The following AFF3 variants were observed in gnomAD, a reference collection of about 807,000 sequenced individuals.
AFF3 encodes the protein AF4/FMR2 family member 3.
Under a neutral mutation model 129.7 loss-of-function variants are expected in AFF3, and 32 were observed. The ratio of observed to expected loss-of-function variants is 0.25; its 90% confidence interval spans 0.19 to 0.33. AFF3 has a LOEUF of 0.33. AFF3 is among the 10% of genes least tolerant of loss of function. The pLI is 1.00. For synonymous variants in AFF3, 644 were observed against 635.4 expected (o/e 1.01, Z -0.20); for missense variants, 1,373 against 1,592.0 (o/e 0.86, Z 2.34).
At chr2:99,832,514 C>T (rs1187044157) in intron 8 of AFF3, among the ~76,000 whole-genome samples, 1 of 152,258 alleles carries the variant, frequency 6.6e-6, no homozygotes, top group Non-Finnish European at 1.5e-5. Flanking sequence ...CCACAGCTTG[C>T]AGGCACCAGG....
chr2:99,989,734 T>C (rs999921805), intron 7 of AFF3, among the ~76,000 whole-genome samples: 2 of 152,186 alleles, frequency 1.3e-5, no homozygotes, highest in Non-Finnish European at 2.9e-5. Context: ...TCATCAAAAT[T>C]GTATTTTTAA....
intron 12 of AFF3, among the ~76,000 whole-genome samples, chr2:99,650,430 GCGC>G (rs1426227107): frequency 6.6e-6 from 1 of 152,062 alleles, no homozygotes; most frequent in Non-Finnish European, 1.5e-5. Context: ...GTGGTGGCAT[GCGC>G]CTGTAGTCCC....
chr2:99,692,238 T>C (rs10183116), intron 11 of AFF3, among the ~76,000 whole-genome samples: 81,631 of 152,002 alleles, frequency 0.54, 21,983 homozygotes, highest in East Asian at 0.66. Context: ...CAAGACTCAG[T>C]CCCAAGGCCC....
chr2:99,773,864 A>G (rs989602105), intron 8 of AFF3, among the ~76,000 whole-genome samples: 1 of 152,232 alleles, frequency 6.6e-6, no homozygotes, highest in African/African-American at 2.4e-5. Context: ...TTAAGCTGAT[A>G]AGCAATTTCA....
At chr2:99,880,878 C>T (rs1300708713) in intron 7 of AFF3, among the ~76,000 whole-genome samples, 1 of 152,158 alleles carries the variant, frequency 6.6e-6, no homozygotes, top group Non-Finnish European at 1.5e-5. Flanking sequence ...TGTACTTATG[C>T]ATAAGGGCTG....
chr2:99,852,107 TA>T (rs35358021), intron 7 of AFF3, among the ~76,000 whole-genome samples: 2 of 152,042 alleles, frequency 1.3e-5, no homozygotes, highest in Non-Finnish European at 2.9e-5. Flanking sequence ...GGTCCTCATT[TA>T]AAAAGAAAAA....
chr2:99,707,575 C>A (rs77939312), intron 11 of AFF3: 5 of 938,624 alleles, frequency 5.3e-6, no homozygotes, highest in Non-Finnish European at 5.1e-6. Context: ...AAAAAAAAAT[C>A]CCCCTTGCAA....
At chr2:99,915,855 C>A (rs1398962948) in intron 7 of AFF3, among the ~76,000 whole-genome samples, 1 of 152,082 alleles carries the variant, frequency 6.6e-6, no homozygotes, top group Non-Finnish European at 1.5e-5. Context: ...TGAGAAGAAC[C>A]AGCTTCTCTC....
intron 4 of AFF3, among the ~76,000 whole-genome samples, chr2:100,036,138 A>G (rs1684883158): frequency 9.0e-6 from 1 of 111,280 alleles, no homozygotes; most frequent in Non-Finnish European, 2.2e-5. Context: ...CAGTGCTAAA[A>G]AAAAAAAAAA....
chr2:99,951,161 T>A (rs1676129033), intron 7 of AFF3, among the ~76,000 whole-genome samples: 1 of 152,248 alleles, frequency 6.6e-6, no homozygotes, highest in African/African-American at 2.4e-5. Flanking sequence ...CATAATTATT[T>A]ATCAAAATAA....
intron 8 of AFF3, among the ~76,000 whole-genome samples, chr2:99,795,915 T>C (rs1034431071): frequency 6.6e-6 from 1 of 152,048 alleles, no homozygotes; most frequent in Non-Finnish European, 1.5e-5. Context: ...GAGAGAAAAA[T>C]CAAGAAATCT....
At chr2:99,737,075 T>C (rs1418653727) in intron 10 of AFF3, among the ~76,000 whole-genome samples, 1 of 152,162 alleles carries the variant, frequency 6.6e-6, no homozygotes, top group African/African-American at 2.4e-5. Flanking sequence ...CCTTTTAGTA[T>C]AGTTTAGTGG....
chr2:100,076,544 C>T (rs1472964867), intron 4 of AFF3, among the ~76,000 whole-genome samples: 5 of 152,116 alleles, frequency 3.3e-5, no homozygotes, highest in African/African-American at 1.2e-4. Flanking sequence ...ATGGCTCCAG[C>T]CCCGGGAACC....
chr2:99,707,653 C>T (rs1178506646), intron 11 of AFF3: 2 of 984,054 alleles, frequency 2.0e-6, no homozygotes, highest in Admixed American at 6.2e-5. Flanking sequence ...CAAATCTTTC[C>T]ATTCCTGGAA....
chr2:99,717,500 C>T (rs1424461048), intron 11 of AFF3, among the ~76,000 whole-genome samples: 1 of 152,180 alleles, frequency 6.6e-6, no homozygotes, highest in Non-Finnish European at 1.5e-5. Flanking sequence ...AGCACCTTTT[C>T]ATCTGCTTAT....
chr2:99,940,442 G>A (rs1674925616), intron 7 of AFF3, among the ~76,000 whole-genome samples: 1 of 152,178 alleles, frequency 6.6e-6, no homozygotes, highest in Non-Finnish European at 1.5e-5. Flanking sequence ...CAAGATACAG[G>A]TCACGAAGAC....
chr2:99,768,770 T>C (rs749422732), intron 8 of AFF3, among the ~76,000 whole-genome samples: 12 of 152,234 alleles, frequency 7.9e-5, no homozygotes, highest in South Asian at 2.1e-4. Context: ...AGATACACTA[T>C]TCTGGGGTAA....
intron 13 of AFF3, among the ~76,000 whole-genome samples, chr2:99,649,070 T>TA (rs1295370800): frequency 6.6e-6 from 1 of 152,068 alleles, no homozygotes; most frequent in Non-Finnish European, 1.5e-5. Flanking sequence ...AAGCAGGATA[T>TA]AAAATACAGC....
intron 8 of AFF3, among the ~76,000 whole-genome samples, chr2:99,830,006 G>A (rs1688399481): frequency 6.6e-6 from 1 of 152,160 alleles, no homozygotes; most frequent in Non-Finnish European, 1.5e-5. Context: ...ACCATTCTCA[G>A]CAAACTAACA....
Sources: allele counts gnomAD v4.1 joint callset (sites outside exome capture counted in the v4.1 genomes callset), GRCh38; gene constraint gnomAD v4.1.1; transcripts MANE v1.5; gene names NCBI Gene and HGNC (gene_info 2026-07-23, HGNC 2026-07-21).